Variants in STX1A observed in about 807,000 individuals in gnomAD.
The protein encoded by STX1A is syntaxin-1A.
In STX1A, 4 loss-of-function variants were observed where a neutral mutation model predicts 37.8. The observed-to-expected ratio is 0.11, with a 90% CI of 0.05 to 0.24. STX1A has a LOEUF of 0.24. Among genes scored for constraint, STX1A ranks in the 10% least tolerant of loss-of-function variants. The pLI, the probability that STX1A is intolerant of heterozygous loss-of-function variation, is 1.00. For missense variants in STX1A, 251 were observed against 399.9 expected, an observed-to-expected ratio of 0.63 and a Z score of 3.18; for synonymous variants, 135 against 147.4, an observed-to-expected ratio of 0.92 and a Z score of 0.61.
chr7:73,711,660 G>A (rs1011301983), intron 1 of STX1A, among the ~76,000 whole-genome samples: 2 of 152,122 alleles, frequency 1.3e-5, no homozygotes, highest in Admixed American at 6.5e-5. Context: ...CTCCTCCTGG[G>A]CAGGCTGCCA....
intron 1 of STX1A, among the ~76,000 whole-genome samples, chr7:73,711,645 A>G (rs1350170773): frequency 6.6e-6 from 1 of 152,094 alleles, no homozygotes; most frequent in Non-Finnish European, 1.5e-5. Flanking sequence ...GGAGGAGCCC[A>G]GTTCCTCCTC....
chr7:73,704,588 C>T (rs564829460), intron 4 of STX1A, 165 bp from the exon 5 acceptor site: 23 of 787,980 alleles, frequency 2.9e-5, no homozygotes, highest in South Asian at 2.0e-4. Context: ...CCTACAGAAG[C>T]CCTTCCAGCT....
Position 73,704,275 on chromosome 7 carries a change from G to A in STX1A, c.358-19C>T. The A allele has an allele frequency of 6.2e-7, 1 of 1,614,000 alleles. No homozygotes were observed. Among genetic ancestry groups the A allele is most frequent in the Non-Finnish European group, 8.5e-7 (1 of 1,179,942 alleles). On this transcript the variant is annotated intron_variant, in intron 5 of 9. Transcript: ENST00000222812. ...TGGAGTGCTGGGGGCCCGAGATGGA[G>A]GTGCAGGGGTCAGGCCCTGCGGGGA...
intron 1 of STX1A, among the ~76,000 whole-genome samples, chr7:73,719,324 C>A (rs993404484): frequency 6.6e-6 from 1 of 152,168 alleles, no homozygotes; most frequent in Non-Finnish European, 1.5e-5. Flanking sequence ...CCGAACCCCC[C>A]AAATCAAGAG....
Position 73,700,571 on chromosome 7 carries a change from CGG to C in STX1A, c.790-89_790-88del. Reference sequence around the variant, plus strand: ...TGGCAAAGGCTGAGGACTGGACAGTCGGGGGGGATCCAAGCAGGGGAAGGTGA... The same window carrying C: ...TGGCAAAGGCTGAGGACTGGACAGTCGGGGGATCCAAGCAGGGGAAGGTGA... On this transcript the variant is annotated intron_variant, in intron 9 of 9. Transcript: ENST00000222812. This position sits in a 1 kb window ranked among gnomAD's most constrained non-coding sequence, Gnocchi z 4.4. 6.6e-7 allele frequency: 1 copy of C among 1,504,058 alleles called. No homozygotes were observed. Among genetic ancestry groups the C allele is most frequent in the Non-Finnish European group, 9.0e-7 (1 of 1,110,774 alleles). The allele number at this position is 1,504,058 out of a possible 1,614,324, so 93.2% of individuals were successfully genotyped here.
rs989434344 is a variant in STX1A at position 73,709,805 on chromosome 7, C to A, written c.31-683G>T. On this transcript the variant is annotated intron_variant, in intron 1 of 9. Coordinates refer to ENST00000222812, the MANE Select transcript of STX1A (RefSeq NM_004603.4). The surrounding 1 kb of genome is among the most constrained non-coding windows in gnomAD (Gnocchi z 4.2). ...GGGAGACCTGCCTACTGTGTCCCAG[C>A]CCTGGGCACCACTAAACCCCAGTCC... Among the ~76,000 whole-genome samples, 1 of 152,024 alleles carries A rather than the reference C, an allele frequency of 6.6e-6. No homozygotes were observed. The highest frequency in any genetic ancestry group is 1.5e-5 in the Non-Finnish European group (1 of 68,036).
intron 4 of STX1A, chr7:73,704,860 A>C: frequency 3.7e-6 from 2 of 540,552 alleles, no homozygotes; most frequent in Non-Finnish European, 3.3e-6. Flanking sequence ...GAGACCAGGA[A>C]GTACTGGCCA....
At chr7:73,710,350 T>TA (rs749683036) in intron 1 of STX1A, among the ~76,000 whole-genome samples, 4 of 152,234 alleles carry the variant, frequency 2.6e-5, no homozygotes, top group Non-Finnish European at 5.9e-5. Context: ...AAGGCAAGGA[T>TA]ATCCGGGGTG....
At chr7:73,713,307 C>T (rs1479981362) in intron 1 of STX1A, among the ~76,000 whole-genome samples, 1 of 152,144 alleles carries the variant, frequency 6.6e-6, no homozygotes, top group Non-Finnish European at 1.5e-5. Flanking sequence ...GATGGCAGAG[C>T]CCCACTGCCA....
rs1798710139 is a variant in STX1A at position 73,702,814 on chromosome 7, G to A, written c.678+31C>T. The A allele has an allele frequency of 1.2e-6, 2 of 1,613,782 alleles. No homozygotes were observed. Among genetic ancestry groups the A allele is most frequent in the Non-Finnish European group, 8.5e-7 (1 of 1,179,916 alleles). On this transcript the variant is annotated intron_variant, in intron 8 of 9. Coordinates refer to ENST00000222812, the MANE Select transcript of STX1A (RefSeq NM_004603.4). The surrounding 1 kb of genome is among the most constrained non-coding windows in gnomAD (Gnocchi z 4.7). ...GCAGCCCTGGGTGCTGGTGTGGGCT[G>A]GAGTGGAGGGCAGGGGGGCCCGGCA...
At chr7:73,704,991 C>T (rs1798818710) in intron 4 of STX1A, 159 bp downstream of exon 4, 1 of 761,352 alleles carries the variant, frequency 1.3e-6, no homozygotes, top group Non-Finnish European at 2.3e-6. Context: ...ACCAACGGGC[C>T]TTGCCAAGTA....
In STX1A at chr7:73,717,546, C is replaced by T. The variant is rs1554618903; in HGVS notation, c.30+2056G>A. On this transcript the variant is annotated intron_variant, in intron 1 of 9. Coordinates refer to ENST00000222812, the MANE Select transcript of STX1A (RefSeq NM_004603.4). This position sits in a 1 kb window ranked among gnomAD's most constrained non-coding sequence, Gnocchi z 4.1. ...GCAGCCTGTGGGAACAGTGGCCCCA[C>T]CAAGACTGACTGTCTCACCCCACCC... is the stretch of plus-strand genomic sequence containing the variant. Among the ~76,000 whole-genome samples, 1 of 152,138 alleles carries T rather than the reference C, an allele frequency of 6.6e-6. No individual in the cohort carries two copies. Among genetic ancestry groups the T allele is most frequent in the Non-Finnish European group, 1.5e-5 (1 of 68,004 alleles).
intron 1 of STX1A, among the ~76,000 whole-genome samples, chr7:73,716,939 A>C (rs944322390): frequency 5.3e-5 from 8 of 151,874 alleles, no homozygotes; most frequent in Non-Finnish European, 1.2e-4. Context: ...GTTACCTGTA[A>C]CCTGCAAGTG....
chr7:73,705,181 C>T lies in STX1A; in HGVS notation c.252G>A (p.Lys84=), dbSNP rs782640499. 6.2e-7 allele frequency: 1 copy of T among 1,611,832 alleles called. No homozygotes were observed. The highest frequency in any genetic ancestry group is 1.1e-5 in the South Asian group (1 of 91,060). The change falls in exon 4 of 10, where the codon AAG becomes AAA. Residue 84 remains lysine, a synonymous_variant. Transcript: ENST00000222812. The surrounding 1 kb of genome is among the most constrained non-coding windows in gnomAD (Gnocchi z 5.2). ...ELEELMSDIK[K]TANKVRSKLK... is the part of the protein sequence containing the mutation. Reference sequence around the variant, plus strand: ...ACTTGGAACGAACTTTGTTTGCTGTCTTCTTTATGTCGGACATGAGTTCTT... The same window carrying T: ...ACTTGGAACGAACTTTGTTTGCTGTTTTCTTTATGTCGGACATGAGTTCTT...
rs370494879 is a variant in STX1A, at chr7:73,717,287, C to T, written c.30+2315G>A. 3.3e-5 allele frequency among the ~76,000 whole-genome samples: 5 copies of T among 152,234 alleles called. No individual in the cohort carries two copies. In the East Asian group the frequency reaches 9.6e-4, roughly 29 times the overall value. On this transcript the variant is annotated intron_variant, in intron 1 of 9. Transcript: ENST00000222812. The surrounding 1 kb of genome is among the most constrained non-coding windows in gnomAD (Gnocchi z 4.1). Reference sequence around the variant, plus strand: ...CAGCACCATCTCTGTTCAGCCCAGCCCAGCCCAGCCCGCCCCAGTCCAGCC... The same window carrying T: ...CAGCACCATCTCTGTTCAGCCCAGCTCAGCCCAGCCCGCCCCAGTCCAGCC...
At position 73,708,974 on chromosome 7, in the gene STX1A, T is replaced by C. The variant is rs1241538017; in HGVS notation, c.108+71A>G. 9.0e-6 allele frequency: 14 copies of C among 1,553,280 alleles called. No individual in the cohort carries two copies. The African/African-American group carries it at 1.5e-4, about 17-fold the overall frequency. The stretch of plus-strand genomic sequence containing the variant: ...TGCAGGTGTGAAAGAGCACTGAACC[T>C]GGCTCAGAGGCGAGAGTGGCCCCCC... On this transcript the variant is annotated intron_variant, in intron 2 of 9. Transcript: ENST00000222812.
chr7:73,699,319 C>CG lies in STX1A; in HGVS notation c.*1087dup, dbSNP rs1349007629. ...GGAATCGCTGTTCAAGAAGGCAACA[C>CG]GGACAGTGGTCACAGTCACTGGGCA... On this transcript the variant is annotated 3_prime_UTR_variant, in exon 10 of 10. Transcript: ENST00000222812. 6.5e-6 allele frequency: 1 copy of CG among 152,688 alleles called. No individual in the cohort carries two copies. The highest frequency in any genetic ancestry group is 1.5e-5 in the Non-Finnish European group (1 of 68,064). 9.5% of individuals were successfully genotyped at this position (152,688 alleles called of 1,614,324 possible).
rs781943841 is a variant in STX1A, at chr7:73,703,812, G to A, written c.483C>T (p.Thr161=). ...CCAGCATGTCCTCCAGCTCCTCACT[G>A]GTCGTGGTCCTGCCGGCTGCAAGCG... ...RQLEITGRTT[T]SEELEDMLES... is the part of the protein sequence containing the mutation. Residue 161 remains threonine, a synonymous_variant, in exon 7 of 10, where the codon ACC becomes ACT. Coordinates refer to ENST00000222812, the MANE Select transcript of STX1A (RefSeq NM_004603.4). The A allele has an allele frequency of 6.2e-7, 1 of 1,613,866 alleles. No individual in the cohort carries two copies. Among genetic ancestry groups the A allele is most frequent in the South Asian group, 1.1e-5 (1 of 91,078 alleles).
intron 4 of STX1A, chr7:73,704,901 G>A (rs1554616609): frequency 1.2e-5 from 7 of 586,432 alleles, no homozygotes; most frequent in Non-Finnish European, 2.1e-5. Context: ...AGAGGTGAGG[G>A]GCAGTGCCCA....
Sources: allele counts gnomAD v4.1 joint callset (sites outside exome capture counted in the v4.1 genomes callset), GRCh38; gene constraint gnomAD v4.1.1; non-coding constraint Gnocchi (gnomAD v3.1); transcripts MANE v1.5; gene names NCBI Gene and HGNC (gene_info 2026-07-23, HGNC 2026-07-21).